Variants in GRM7 observed in about 807,000 individuals in gnomAD.
GRM7 encodes the protein glutamate metabotropic receptor 7, also known as metabotropic glutamate receptor 7.
Under a neutral mutation model 84.5 loss-of-function variants are expected in GRM7, and 35 were observed. The observed-to-expected ratio is 0.41, with a 90% confidence interval of 0.32 to 0.55. GRM7 has a LOEUF of 0.55. Ranked by LOEUF, GRM7 falls within the 20% of genes least tolerant of loss-of-function variation. GRM7 has a pLI of 0.19. For synonymous variants in GRM7, 487 were observed against 455.1 expected, an observed-to-expected ratio of 1.07 and a Z score of -0.89; for missense variants, 1,003 against 1,194.6, an observed-to-expected ratio of 0.84 and a Z score of 2.36.
At chr3:7,019,628 A>C (rs561197320) in intron 1 of GRM7, among the ~76,000 whole-genome samples, 5 of 152,288 alleles carry the variant, frequency 3.3e-5, no homozygotes, top group Admixed American at 2.0e-4. Context: ...AAGTGGTGTA[A>C]CAACTCTGAA....
At chr3:6,877,090 G>A (rs187924329) in intron 1 of GRM7, among the ~76,000 whole-genome samples, 1 of 152,304 alleles carries the variant, frequency 6.6e-6, no homozygotes, top group East Asian at 1.9e-4. Context: ...GCTGTTTTAT[G>A]ACATTAATAA....
intron 8 of GRM7, among the ~76,000 whole-genome samples, chr3:7,639,517 A>G (rs1430313797): frequency 6.6e-6 from 1 of 152,082 alleles, no homozygotes; most frequent in Non-Finnish European, 1.5e-5. Context: ...CTTTCTTCCC[A>G]TAGATCTCCT....
chr3:7,547,379 T>G (rs186538940), intron 7 of GRM7, among the ~76,000 whole-genome samples: 1 of 151,914 alleles, frequency 6.6e-6, no homozygotes, highest in Non-Finnish European at 1.5e-5. Context: ...GCTAATTTTT[T>G]GTATTTTTAG....
intron 8 of GRM7, among the ~76,000 whole-genome samples, chr3:7,651,663 T>C (rs1698946563): frequency 6.6e-6 from 1 of 152,182 alleles, no homozygotes; most frequent in Non-Finnish European, 1.5e-5. Context: ...ATCTCAACAT[T>C]TGGTCCAAAG....
At chr3:7,472,941 G>A (rs1389815527) in intron 7 of GRM7, among the ~76,000 whole-genome samples, 11 of 151,992 alleles carry the variant, frequency 7.2e-5, no homozygotes, top group Non-Finnish European at 1.2e-4. Context: ...CGTGCAGACC[G>A]TTTCCTCAAA....
At position 7,481,077 on chromosome 3, in the gene GRM7, GTT is replaced by G. The variant is rs59737850; in HGVS notation, c.1515+19366_1515+19367del. On this transcript the variant is annotated intron_variant, in intron 7 of 9. Transcript: ENST00000357716. ...TATTGTAAATACAAAGTCTTTATTG[GTT>G]TTTTTTTTTTCTTTTTTGAGACAGG... Among the ~76,000 whole-genome samples, 669 of 146,144 alleles carry G rather than the reference GTT, an allele frequency of 4.6e-3. 5 individuals are homozygous for G. The highest frequency in any genetic ancestry group is 0.015 in the African/African-American group (612 of 40,292).
At chr3:7,739,617 T>C (rs1348915521) in intron 9 of GRM7, among the ~76,000 whole-genome samples, 1 of 152,226 alleles carries the variant, frequency 6.6e-6, no homozygotes, top group Non-Finnish European at 1.5e-5. Context: ...TGAAATCTGC[T>C]GTGCTCATTG....
chr3:7,301,833 T>G (rs1253452795), intron 3 of GRM7, among the ~76,000 whole-genome samples: 1 of 152,190 alleles, frequency 6.6e-6, no homozygotes, highest in African/African-American at 2.4e-5. Context: ...TTACGTTATT[T>G]CTTTCTTCGG....
At chr3:7,152,427 T>C (rs1694314246) in intron 2 of GRM7, among the ~76,000 whole-genome samples, 1 of 152,246 alleles carries the variant, frequency 6.6e-6, no homozygotes, top group Non-Finnish European at 1.5e-5. Flanking sequence ...AAGTAAAAGA[T>C]GTTTAGCGTG....
At chr3:7,066,003 A>C (rs902864428) in intron 1 of GRM7, among the ~76,000 whole-genome samples, 2 of 151,924 alleles carry the variant, frequency 1.3e-5, no homozygotes, top group Non-Finnish European at 2.9e-5. Flanking sequence ...ACAACCTATC[A>C]AAACCTCTGG....
rs996074264 is a variant in GRM7 at position 7,028,659 on chromosome 3, A to G, written c.520-117793A>G. 5.9e-5 allele frequency among the ~76,000 whole-genome samples: 9 copies of G among 152,340 alleles called. 1 individual carries two copies. The South Asian group carries it at 1.4e-3, about 25-fold the overall frequency. On this transcript the variant is annotated intron_variant, in intron 1 of 9. Transcript: ENST00000357716. The stretch of plus-strand genomic sequence containing the variant: ...AGGGATGGGAAACAGTGTGATCCCT[A>G]TGATTCTGTGAGTTTACTACATAAA...
chr3:7,125,644 G>T (rs748645392), intron 1 of GRM7, among the ~76,000 whole-genome samples: 3 of 152,032 alleles, frequency 2.0e-5, no homozygotes, highest in Non-Finnish European at 4.4e-5. Context: ...TTATCTCTGG[G>T]TACCCTGTTG....
intron 5 of GRM7, among the ~76,000 whole-genome samples, chr3:7,440,741 T>C (rs1433947491): frequency 6.6e-6 from 1 of 152,166 alleles, no homozygotes; most frequent in Non-Finnish European, 1.5e-5. Context: ...TGAGAAAGTT[T>C]AATGTTTGGT....
At chr3:7,515,785 G>A (rs918787880) in intron 7 of GRM7, among the ~76,000 whole-genome samples, 3 of 152,038 alleles carry the variant, frequency 2.0e-5, no homozygotes, top group African/African-American at 7.2e-5. Flanking sequence ...TACTAAACTA[G>A]GGCCAAGTGC....
At chr3:7,187,304 C>T (rs1218114444) in intron 2 of GRM7, among the ~76,000 whole-genome samples, 1 of 152,056 alleles carries the variant, frequency 6.6e-6, no homozygotes, top group Admixed American at 6.6e-5. Context: ...CACAATATTC[C>T]CTATTGCTTC....
chr3:7,209,006 A>C (rs1379515423), intron 2 of GRM7, among the ~76,000 whole-genome samples: 2 of 152,206 alleles, frequency 1.3e-5, no homozygotes, highest in Admixed American at 6.5e-5. Flanking sequence ...AATATCATGA[A>C]TGAAAATGCA....
At chr3:7,350,613 T>C (rs1693097653) in intron 4 of GRM7, among the ~76,000 whole-genome samples, 1 of 152,136 alleles carries the variant, frequency 6.6e-6, no homozygotes, top group Admixed American at 6.6e-5. Context: ...GGCATTTCTT[T>C]ATAGCAGTGT....
intron 1 of GRM7, among the ~76,000 whole-genome samples, chr3:7,069,904 C>T (rs1324693922): frequency 6.6e-6 from 1 of 152,054 alleles, no homozygotes; most frequent in African/African-American, 2.4e-5. Context: ...ACACTCATCC[C>T]AGTCAAATGA....
chr3:6,893,324 A>C (rs1171098229), intron 1 of GRM7, among the ~76,000 whole-genome samples: 2 of 152,158 alleles, frequency 1.3e-5, no homozygotes, highest in African/African-American at 4.8e-5. Flanking sequence ...AAGATGTCTT[A>C]ATAGATAATA....
Sources: allele counts gnomAD v4.1 joint callset (sites outside exome capture counted in the v4.1 genomes callset), GRCh38; gene constraint gnomAD v4.1.1; transcripts MANE v1.5; gene names NCBI Gene and HGNC (gene_info 2026-07-23, HGNC 2026-07-21).